Variants in SEMA5B observed in about 807,000 individuals in gnomAD.
The protein encoded by SEMA5B is semaphorin 5B.
Under a neutral mutation model 135.0 loss-of-function variants are expected in SEMA5B, and 66 were observed. The ratio of observed to expected loss-of-function variants is 0.49; its 90% confidence interval spans 0.40 to 0.60. The LOEUF (loss-of-function observed/expected upper bound fraction) is 0.60. SEMA5B is among the 20% of genes least tolerant of loss of function. The pLI, the probability that SEMA5B is intolerant of heterozygous loss-of-function variation, is 0.00. For missense variants in SEMA5B, 1,501 were observed against 1,566.3 expected (o/e 0.96, Z 0.70); for synonymous variants, 690 against 639.5 (o/e 1.08, Z -1.19).
At chr3:122,947,051 C>T (rs1939819629) in intron 3 of SEMA5B, among the ~76,000 whole-genome samples, 2 of 152,058 alleles carry the variant, frequency 1.3e-5, no homozygotes, top group Non-Finnish European at 2.9e-5. Context: ...CCCCCAGACT[C>T]AGCCAAGCCA....
intron 1 of SEMA5B, among the ~76,000 whole-genome samples, chr3:123,025,843 T>A (rs751562984): frequency 5.9e-5 from 9 of 152,152 alleles, no homozygotes; most frequent in Non-Finnish European, 1.2e-4. Context: ...CCGTTGAAAA[T>A]CTAGACTTCG....
intron 1 of SEMA5B, among the ~76,000 whole-genome samples, chr3:122,965,734 TTC>T (rs1472539960): frequency 6.6e-6 from 1 of 152,242 alleles, no homozygotes; most frequent in Non-Finnish European, 1.5e-5. Context: ...CTAAAACCTC[TTC>T]TCTCTAGGGA....
intron 1 of SEMA5B, among the ~76,000 whole-genome samples, chr3:123,018,694 C>G (rs1942613267): frequency 1.3e-5 from 2 of 152,204 alleles, no homozygotes; most frequent in African/African-American, 2.4e-5. Context: ...TCAACCAAAT[C>G]AGGTCTGTCC....
chr3:122,933,135 C>T (rs1019147948), intron 5 of SEMA5B, among the ~76,000 whole-genome samples: 1 of 152,018 alleles, frequency 6.6e-6, no homozygotes, highest in Non-Finnish European at 1.5e-5. Context: ...GCTCTCGAGG[C>T]CTCCTGCTTG....
intron 1 of SEMA5B, among the ~76,000 whole-genome samples, chr3:123,001,730 G>C (rs1310016136): frequency 6.6e-6 from 1 of 152,182 alleles, no homozygotes; most frequent in Non-Finnish European, 1.5e-5. Context: ...GCCTCACAGC[G>C]AGTAGCCAGG....
chr3:122,959,138 C>T (rs1034532325), intron 2 of SEMA5B, among the ~76,000 whole-genome samples: 3 of 152,194 alleles, frequency 2.0e-5, no homozygotes, highest in African/African-American at 7.2e-5. Context: ...GATTAAGTAA[C>T]AGTGACAACA....
chr3:122,950,664 G>A (rs142977281), intron 2 of SEMA5B, among the ~76,000 whole-genome samples: 22 of 152,098 alleles, frequency 1.4e-4, no homozygotes, highest in South Asian at 2.1e-4. Context: ...TGAATTTTAC[G>A]TAAGTATCCA....
At chr3:122,938,759 C>T (rs559700731) in intron 5 of SEMA5B, among the ~76,000 whole-genome samples, 1 of 152,182 alleles carries the variant, frequency 6.6e-6, no homozygotes, top group African/African-American at 2.4e-5. Flanking sequence ...GAAGAGATGG[C>T]CTTCCTTTCT....
intron 5 of SEMA5B, among the ~76,000 whole-genome samples, chr3:122,931,682 A>G (rs541038419): frequency 6.6e-6 from 1 of 152,212 alleles, no homozygotes; most frequent in Non-Finnish European, 1.5e-5. Context: ...TTGTCTGTTT[A>G]GAGAATCATT....
chr3:122,965,163 A>G (rs908240376), intron 1 of SEMA5B, among the ~76,000 whole-genome samples: 1 of 152,206 alleles, frequency 6.6e-6, no homozygotes, highest in Admixed American at 6.5e-5. Context: ...TTTCTTGGGC[A>G]GGAGCTGGGG....
intron 1 of SEMA5B, among the ~76,000 whole-genome samples, chr3:123,000,508 A>T (rs1025389713): frequency 6.6e-6 from 1 of 152,188 alleles, no homozygotes; most frequent in African/African-American, 2.4e-5. Flanking sequence ...TTTGGCATGC[A>T]CCTGGCACTG....
intron 1 of SEMA5B, among the ~76,000 whole-genome samples, chr3:122,984,956 A>T (rs56253863): frequency 0.083 from 12,710 of 152,246 alleles, 682 homozygotes; most frequent in Non-Finnish European, 0.12. Flanking sequence ...ACGTTTCTGG[A>T]TCCTAAAACT....
intron 1 of SEMA5B, among the ~76,000 whole-genome samples, chr3:122,998,095 G>A (rs535499273): frequency 2.2e-4 from 33 of 152,322 alleles, no homozygotes; most frequent in African/African-American, 7.5e-4. Flanking sequence ...ATGCTGAGGA[G>A]CCTCACAGGA....
chr3:122,931,798 A>T (rs1462327530), intron 5 of SEMA5B, among the ~76,000 whole-genome samples: 1 of 152,254 alleles, frequency 6.6e-6, no homozygotes, highest in Admixed American at 6.5e-5. Context: ...GGATGCTTAT[A>T]GAATGAGCAC....
At chr3:122,941,765 G>T (rs1172836048) in intron 4 of SEMA5B, among the ~76,000 whole-genome samples, 2 of 152,220 alleles carry the variant, frequency 1.3e-5, no homozygotes, top group Non-Finnish European at 2.9e-5. Context: ...TCAGAATTAG[G>T]TTGAAGGATC....
At chr3:123,020,145 C>A (rs1257254477) in intron 1 of SEMA5B, among the ~76,000 whole-genome samples, 2 of 152,128 alleles carry the variant, frequency 1.3e-5, no homozygotes, top group East Asian at 1.9e-4. Flanking sequence ...ATGTTCACTG[C>A]AGCATTATTT....
At chr3:122,948,903 T>C (rs538610355) in intron 2 of SEMA5B, among the ~76,000 whole-genome samples, 194 bp from the exon 3 acceptor site, 2 of 152,338 alleles carry the variant, frequency 1.3e-5, no homozygotes, top group South Asian at 4.1e-4. Context: ...TCCCTTGTAA[T>C]AGCATTCTGT....
intron 1 of SEMA5B, among the ~76,000 whole-genome samples, chr3:123,023,357 C>T (rs183710435): frequency 6.0e-5 from 9 of 150,152 alleles, no homozygotes; most frequent in South Asian, 4.2e-4. Context: ...CACACACACA[C>T]GAAATGAAGA....
chr3:122,992,811 T>C (rs1244614626), intron 1 of SEMA5B: 1 of 152,170 alleles, frequency 6.6e-6, no homozygotes, highest in Non-Finnish European at 1.5e-5. Context: ...GCGGGCACCA[T>C]GCAGGGAAAT....
Sources: allele counts gnomAD v4.1 joint callset (sites outside exome capture counted in the v4.1 genomes callset), GRCh38; gene constraint gnomAD v4.1.1; transcripts MANE v1.5; gene names NCBI Gene and HGNC (gene_info 2026-07-23, HGNC 2026-07-21).